CACNA2D3: variants seen among roughly 807,000 people sequenced by gnomAD.
CACNA2D3 encodes voltage-dependent calcium channel subunit alpha-2/delta-3.
CACNA2D3 carries 60 observed loss-of-function variants against 160.6 expected under a neutral mutation model. The observed-to-expected ratio is 0.37, with a 90% CI of 0.30 to 0.46. The LOEUF is 0.46. Ranked by LOEUF, CACNA2D3 falls within the 20% of genes least tolerant of loss-of-function variation. The pLI is 1.00. For missense variants in CACNA2D3, 1,205 were observed against 1,365.0 expected (o/e 0.88, Z 1.85); for synonymous variants, 558 against 492.9 (o/e 1.13, Z -1.75).
intron 2 of CACNA2D3, among the ~76,000 whole-genome samples, chr3:54,172,050 C>T (rs548333613): frequency 6.6e-6 from 1 of 152,342 alleles, no homozygotes; most frequent in South Asian, 2.1e-4. Flanking sequence ...GACCATGGAT[C>T]TGTCGAGCAT....
chr3:54,714,377 C>G (rs143150265), intron 11 of CACNA2D3, among the ~76,000 whole-genome samples: 1 of 152,060 alleles, frequency 6.6e-6, no homozygotes, highest in Non-Finnish European at 1.5e-5. Context: ...GCTCTGGGGC[C>G]GGGGTATCCT....
At chr3:54,822,916 G>T (rs754455751) in intron 14 of CACNA2D3, among the ~76,000 whole-genome samples, 1 of 149,372 alleles carries the variant, frequency 6.7e-6, no homozygotes, top group African/African-American at 2.5e-5. Context: ...GTGCAATTGC[G>T]CGATCTCGGC....
chr3:54,187,998 T>C (rs1226740561), intron 2 of CACNA2D3, among the ~76,000 whole-genome samples: 1 of 151,992 alleles, frequency 6.6e-6, no homozygotes, highest in Non-Finnish European at 1.5e-5. Context: ...CCAGGCACTC[T>C]TATCAAAGAG....
intron 27 of CACNA2D3, among the ~76,000 whole-genome samples, chr3:54,946,286 C>G (rs1037299444): frequency 6.6e-6 from 1 of 152,182 alleles, no homozygotes; most frequent in Non-Finnish European, 1.5e-5. Flanking sequence ...TGAGTGCCCC[C>G]TCTTATACTC....
chr3:54,241,492 G>A (rs188657288), intron 2 of CACNA2D3, among the ~76,000 whole-genome samples: 1 of 152,356 alleles, frequency 6.6e-6, no homozygotes, highest in East Asian at 1.9e-4. Flanking sequence ...CAAAGGGACT[G>A]TCTGGTAACT....
chr3:54,960,450 A>G (rs978163819), intron 27 of CACNA2D3, among the ~76,000 whole-genome samples: 4 of 152,232 alleles, frequency 2.6e-5, no homozygotes, highest in African/African-American at 4.8e-5. Flanking sequence ...CACTTGCACT[A>G]GGCTAAAATA....
chr3:54,656,990 GAA>G lies in CACNA2D3; in HGVS notation c.1167+14752_1167+14753del, dbSNP rs113350167. On this transcript the variant is annotated intron_variant, in intron 11 of 37. Transcript: ENST00000474759. ...ACCTGGGTGCAGGTGGGCTGAGTCCGAAAAGAGTCAGCCAAGGGAGATAGGGG... is the reference window on the plus strand; with the variant it reads ...ACCTGGGTGCAGGTGGGCTGAGTCCGAAGAGTCAGCCAAGGGAGATAGGGG... Among the ~76,000 whole-genome samples, 190 of 151,944 alleles carry G rather than the reference GAA, an allele frequency of 1.3e-3. 1 individual carries two copies. The highest frequency in any genetic ancestry group is 4.3e-3 in the African/African-American group (179 of 41,424).
intron 9 of CACNA2D3, among the ~76,000 whole-genome samples, chr3:54,596,193 C>T (rs993367341): frequency 1.6e-4 from 25 of 152,044 alleles, no homozygotes; most frequent in African/African-American, 5.8e-4. Flanking sequence ...TCTCCCTCCC[C>T]GGTAATCTCC....
intron 4 of CACNA2D3, among the ~76,000 whole-genome samples, chr3:54,420,696 A>G (rs553085302): frequency 5.3e-5 from 8 of 152,332 alleles, no homozygotes; most frequent in Admixed American, 4.6e-4. Flanking sequence ...ATGTACTATT[A>G]TTGCCCCTAC....
At chr3:54,559,063 C>T (rs9849156) in intron 5 of CACNA2D3, among the ~76,000 whole-genome samples, 113,786 of 151,472 alleles carry the variant, frequency 0.75, 43,772 homozygotes, top group Non-Finnish European at 0.83. Flanking sequence ...ATTAATAACT[C>T]ATGTAGTCAT....
intron 10 of CACNA2D3, chr3:54,638,187 TA>T (rs1192824918): frequency 6.6e-6 from 1 of 151,982 alleles, no homozygotes; most frequent in Non-Finnish European, 1.5e-5. Flanking sequence ...TAATAAAATG[TA>T]TATTGAGAAT....
chr3:54,882,999 T>C (rs760215689), intron 21 of CACNA2D3, among the ~76,000 whole-genome samples: 7 of 152,074 alleles, frequency 4.6e-5, no homozygotes, highest in Non-Finnish European at 8.8e-5. Context: ...TATGAATCTT[T>C]TAATCTTTTT....
chr3:54,256,457 T>C (rs1274205488), intron 2 of CACNA2D3, among the ~76,000 whole-genome samples: 1 of 152,212 alleles, frequency 6.6e-6, no homozygotes, highest in African/African-American at 2.4e-5. Context: ...TTTGTGATCT[T>C]CTCATGCCGT....
chr3:54,289,527 T>C (rs990901823), intron 2 of CACNA2D3, among the ~76,000 whole-genome samples: 1 of 151,504 alleles, frequency 6.6e-6, no homozygotes, highest in African/African-American at 2.4e-5. Context: ...AAGCTACCAA[T>C]GACTTTCTTC....
chr3:54,543,243 A>G (rs1312107718), intron 5 of CACNA2D3, among the ~76,000 whole-genome samples: 1 of 152,210 alleles, frequency 6.6e-6, no homozygotes, highest in East Asian at 1.9e-4. Context: ...ATGGAACAAA[A>G]AGGTCGGAGG....
intron 27 of CACNA2D3, among the ~76,000 whole-genome samples, chr3:54,954,133 A>T (rs1701824406): frequency 6.6e-6 from 1 of 152,118 alleles, no homozygotes; most frequent in Non-Finnish European, 1.5e-5. Flanking sequence ...GGGTTATTTA[A>T]TCATGTCATC....
intron 19 of CACNA2D3, 109 bp downstream of exon 19, chr3:54,879,198 C>G (rs1699734101): frequency 1.1e-6 from 1 of 878,770 alleles, no homozygotes; most frequent in Non-Finnish European, 1.7e-6. Flanking sequence ...GATCATTTTT[C>G]TCTTGTCTTT....
At position 54,393,694 on chromosome 3, in the gene CACNA2D3, A is replaced by T. The variant is rs543634605; in HGVS notation, c.381+6920A>T. On this transcript the variant is annotated intron_variant, in intron 4 of 37. Transcript: ENST00000474759. ...GTGCCTGAGCTAAAGAGGTACATCA[A>T]CTCGTGGGGAAATGGAGCCATAGCC... Among the ~76,000 whole-genome samples the T allele has an allele frequency of 7.2e-5, 11 of 152,238 alleles. No homozygotes were observed. The East Asian group carries it at 2.1e-3, about 29-fold the overall frequency.
chr3:54,290,919 G>T (rs993286964), intron 2 of CACNA2D3, among the ~76,000 whole-genome samples: 2 of 151,210 alleles, frequency 1.3e-5, no homozygotes, highest in Non-Finnish European at 2.9e-5. Context: ...TGGGGTAGCG[G>T]GGGGTGAGGG....
Sources: gnomAD v4.1 joint callset for allele counts (sites outside exome capture counted in the v4.1 genomes callset) on GRCh38, gnomAD v4.1.1 for gene constraint, MANE v1.5 for transcripts, NCBI Gene and HGNC (gene_info 2026-07-23, HGNC 2026-07-21) for gene names.